The following HIVEP3 variants were observed in gnomAD, a reference collection of about 807,000 sequenced individuals.
HIVEP3 encodes HIVEP zinc finger 3.
HIVEP3 carries 49 observed loss-of-function variants against 152.8 expected under a neutral mutation model. The ratio of observed to expected loss-of-function variants is 0.32; its 90% CI spans 0.26 to 0.41. HIVEP3 has a LOEUF of 0.41. HIVEP3 is among the 10% of genes least tolerant of loss of function. The probability of loss-of-function intolerance (pLI) is 1.00; values close to 1 mark genes in which losing one functional copy is unlikely to be tolerated. For missense variants in HIVEP3, 2,790 were observed against 3,103.3 expected, an observed-to-expected ratio of 0.90 and a Z score of 2.40; for synonymous variants, 1,269 against 1,289.0, an observed-to-expected ratio of 0.98 and a Z score of 0.33.
chr1:41,579,866 A>G lies in HIVEP3; in HGVS notation c.4932T>C (p.Thr1644=), dbSNP rs1320898783. 3 of 1,614,074 alleles carry G rather than the reference A, an allele frequency of 1.9e-6. No individual in the cohort carries two copies. Among genetic ancestry groups the G allele is most frequent in the Non-Finnish European group, 2.5e-6 (3 of 1,180,028 alleles). Residue 1644 remains threonine (T), a synonymous_variant, in exon 4 of 9, where the codon ACT becomes ACC. Transcript: ENST00000372583. Reference sequence around the variant, plus strand: ...ACCTCAGGAGGGACAAAGCAGCTTTAGTGGAAACCCCCGGAAGGTTGGGGT... The same window carrying G: ...ACCTCAGGAGGGACAAAGCAGCTTTGGTGGAAACCCCCGGAAGGTTGGGGT... ...LYNPNLPGVS[T]KAALSLLRSK...
At chr1:41,735,899 G>T (rs1415649849) in intron 1 of HIVEP3, among the ~76,000 whole-genome samples, 3 of 152,180 alleles carry the variant, frequency 2.0e-5, no homozygotes, top group African/African-American at 7.2e-5. Context: ...GCAAGCAGGA[G>T]GGTGGGGGCT....
chr1:41,799,804 C>A (rs895598940), intron 1 of HIVEP3, among the ~76,000 whole-genome samples: 1 of 152,126 alleles, frequency 6.6e-6, no homozygotes, highest in Non-Finnish European at 1.5e-5. Context: ...CCCCTTCCCC[C>A]CAACCCCAAG....
intron 5 of HIVEP3, among the ~76,000 whole-genome samples, chr1:41,572,712 G>A (rs1485242047): frequency 2.0e-5 from 3 of 152,224 alleles, no homozygotes; most frequent in Non-Finnish European, 4.4e-5. Flanking sequence ...TGGAGGTCAA[G>A]AAAGAAATTA....
At chr1:41,649,350 C>T (rs892035255) in intron 2 of HIVEP3, among the ~76,000 whole-genome samples, 7 of 152,198 alleles carry the variant, frequency 4.6e-5, no homozygotes, top group East Asian at 1.9e-4. Context: ...TCTACAGCTG[C>T]GGGGCAGGGC....
intron 1 of HIVEP3, among the ~76,000 whole-genome samples, chr1:41,853,642 T>C (rs902383400): frequency 6.6e-6 from 1 of 152,026 alleles, no homozygotes; most frequent in Non-Finnish European, 1.5e-5. Context: ...TGTTATATAG[T>C]AAGGAGCTTA....
intron 5 of HIVEP3, among the ~76,000 whole-genome samples, chr1:41,550,678 T>C (rs1643885303): frequency 6.6e-6 from 1 of 152,206 alleles, no homozygotes; most frequent in African/African-American, 2.4e-5. Flanking sequence ...TCTCTGTTTG[T>C]CTGTTATTGG....
intron 1 of HIVEP3, among the ~76,000 whole-genome samples, chr1:41,739,995 A>G (rs1646973558): frequency 6.6e-6 from 1 of 152,226 alleles, no homozygotes. Context: ...ATAACCAGGA[A>G]GTTGTCTATC....
intron 1 of HIVEP3, among the ~76,000 whole-genome samples, chr1:41,798,657 C>G (rs531929874): frequency 6.6e-6 from 1 of 152,104 alleles, no homozygotes; most frequent in African/African-American, 2.4e-5. Flanking sequence ...TATTTTTGCA[C>G]CTACACTCTT....
At chr1:41,545,349 ATC>A (rs1643736406) in intron 5 of HIVEP3, among the ~76,000 whole-genome samples, 1 of 96,982 alleles carries the variant, frequency 1.0e-5, no homozygotes. Context: ...CACCACCACC[ATC>A]ATCGCCACCA....
At chr1:42,035,248 G>A (rs75768226) in intron 1 of HIVEP3, among the ~76,000 whole-genome samples, 2,555 of 152,346 alleles carry the variant, frequency 0.017, 80 homozygotes, top group African/African-American at 0.058. Flanking sequence ...GAGACGGAGA[G>A]ACCCGGGCGC....
intron 1 of HIVEP3, among the ~76,000 whole-genome samples, chr1:41,801,546 C>T (rs932196600): frequency 6.6e-6 from 1 of 152,150 alleles, no homozygotes; most frequent in Non-Finnish European, 1.5e-5. Flanking sequence ...TGAGAAAATA[C>T]ACATGTGAAA....
intron 1 of HIVEP3, among the ~76,000 whole-genome samples, chr1:41,791,472 C>A (rs2124298950): frequency 6.6e-6 from 1 of 152,330 alleles, no homozygotes; most frequent in Non-Finnish European, 1.5e-5. Flanking sequence ...GCTGCATGGC[C>A]TTTCCACCTT....
At chr1:41,833,178 T>A (rs1380562285) in intron 1 of HIVEP3, among the ~76,000 whole-genome samples, 2 of 152,206 alleles carry the variant, frequency 1.3e-5, no homozygotes, top group Admixed American at 6.5e-5. Context: ...AATGTACAGG[T>A]TCAACAAGTT....
chr1:41,997,903 C>G (rs1645404859), intron 1 of HIVEP3, among the ~76,000 whole-genome samples: 1 of 152,158 alleles, frequency 6.6e-6, no homozygotes, highest in African/African-American at 2.4e-5. Flanking sequence ...CTGAATAGAA[C>G]ATATTAGCAT....
chr1:42,013,984 G>A lies in HIVEP3; in HGVS notation n.119+21823C>T, dbSNP rs148702960. The stretch of plus-strand genomic sequence containing the variant: ...CCCCCCAAAGTTTCAAGCAGCATCC[G>A]GGAAGATGCACCCAGTCTGTCCTAT... On this transcript the variant is annotated intron_variant and non_coding_transcript_variant, in intron 1 of 3. Transcript: ENST00000489103. Among the ~76,000 whole-genome samples, 837 of 152,286 alleles carry A rather than the reference G, an allele frequency of 5.5e-3. 5 individuals are homozygous for A. The highest frequency in any genetic ancestry group is 0.011 in the South Asian group (54 of 4,820).
intron 1 of HIVEP3, among the ~76,000 whole-genome samples, chr1:41,911,683 A>G (rs1475347328): frequency 1.3e-5 from 2 of 152,236 alleles, no homozygotes; most frequent in East Asian, 1.9e-4. Context: ...AAACTGCCAT[A>G]TATTCATTCA....
chr1:41,761,179 T>A (rs536396161), intron 1 of HIVEP3, among the ~76,000 whole-genome samples: 12 of 152,358 alleles, frequency 7.9e-5, no homozygotes, highest in African/African-American at 2.6e-4. Flanking sequence ...TGCATGTGCA[T>A]ATGTGTATGC....
intron 1 of HIVEP3, among the ~76,000 whole-genome samples, chr1:41,908,883 A>C (rs569092672): frequency 6.6e-6 from 1 of 152,346 alleles, no homozygotes; most frequent in East Asian, 1.9e-4. Flanking sequence ...GAGACAGGAT[A>C]AGAATTTCCC....
chr1:41,716,850 A>G (rs1403349955), intron 1 of HIVEP3, among the ~76,000 whole-genome samples: 1 of 152,188 alleles, frequency 6.6e-6, no homozygotes, highest in Non-Finnish European at 1.5e-5. Flanking sequence ...AGGCTGCATC[A>G]GACACCACTG....
Sources: gnomAD v4.1 joint callset for allele counts (sites outside exome capture counted in the v4.1 genomes callset) on GRCh38, gnomAD v4.1.1 for gene constraint, MANE v1.5 for transcripts, NCBI Gene and HGNC (gene_info 2026-07-23, HGNC 2026-07-21) for gene names.